CELF2: variants seen among roughly 807,000 people sequenced by gnomAD.
The protein encoded by CELF2 is CUGBP Elav-like family member 2.
CELF2 carries 8 observed loss-of-function variants against 62.6 expected under a neutral mutation model. The observed-to-expected ratio is 0.13, with a 90% CI of 0.07 to 0.23. CELF2 has a LOEUF of 0.23. Ranked by LOEUF, CELF2 falls within the 10% of genes least tolerant of loss-of-function variation. CELF2 has a pLI of 1.00. For missense variants in CELF2, 333 were observed against 671.0 expected (o/e 0.50, Z 5.56); for synonymous variants, 258 against 250.0 (o/e 1.03, Z -0.30).
chr10:11,071,091 T>C lies in CELF2; in HGVS notation c.74+52928T>C, dbSNP rs530890977. On this transcript the variant is annotated intron_variant, in intron 1 of 12. Coordinates refer to ENST00000633077, the MANE Select transcript of CELF2 (RefSeq NM_001326342.2). ...ACAGCAGTGATCCTATTTATTTTAA[T>C]CTTGTTTATGTTTTATTTATCGAGG... Among the ~76,000 whole-genome samples, 6 of 152,330 alleles carry C rather than the reference T, an allele frequency of 3.9e-5. No homozygotes were observed. In the South Asian group the frequency reaches 1.2e-3, roughly 32 times the overall value.
chr10:10,897,855 A>C (rs1564787423), intron 1 of CELF2, among the ~76,000 whole-genome samples: 1 of 152,214 alleles, frequency 6.6e-6, no homozygotes. Context: ...AGGCTGATAG[A>C]ACTGCTCAAC....
At chr10:10,792,477 G>A in the CELF2 span, 11 of 398,202 alleles carry the variant, frequency 2.8e-5, no homozygotes, top group East Asian at 2.8e-4. Flanking sequence ...AACTGTATTC[G>A]GCTTTCCTTG....
Position 11,315,242 on chromosome 10 carries a change from C to T in CELF2, c.1096+984C>T, listed in dbSNP as rs894218540. ...AGAGTAGCCAAGCCCAGCAGATCCA[C>T]GACAGCTAACAGAGCTGCTGATACG... is the stretch of plus-strand genomic sequence containing the variant. On this transcript the variant is annotated intron_variant, in intron 10 of 12. Coordinates refer to ENST00000633077, the MANE Select transcript of CELF2 (RefSeq NM_001326342.2). The surrounding 1 kb of genome is among the most constrained non-coding windows in gnomAD (Gnocchi z 5.8). Among the ~76,000 whole-genome samples, 2 of 152,140 alleles carry T rather than the reference C, an allele frequency of 1.3e-5. No homozygotes were observed. The highest frequency in any genetic ancestry group is 2.4e-5 in the African/African-American group (1 of 41,418).
intron 2 of CELF2, chr10:10,946,797 C>T (rs187090540): frequency 6.6e-6 from 1 of 152,304 alleles, no homozygotes; most frequent in Non-Finnish European, 1.5e-5. Flanking sequence ...TAAGTTCATA[C>T]AACTAGGACC....
rs1343410462 is a variant in CELF2, at chr10:11,333,448, C to T, written c.*4395C>T. The T allele has an allele frequency of 6.6e-6, 1 of 152,306 alleles. No homozygotes were observed. Among genetic ancestry groups the T allele is most frequent in the Non-Finnish European group, 1.5e-5 (1 of 68,008 alleles). 9.4% of individuals were successfully genotyped at this position (152,306 alleles called of 1,614,324 possible). A position where few individuals can be genotyped will look rare whatever the true frequency, so the allele number is the denominator to read the frequency against. On this transcript the variant is annotated 3_prime_UTR_variant, in exon 13 of 13. Coordinates refer to ENST00000633077, the MANE Select transcript of CELF2 (RefSeq NM_001326342.2). Reference sequence around the variant, plus strand: ...ACAATGGCAGTCCTCAAAGGCGTAACGAGTTCATCTTTCTTTCACCATAGG... The same window carrying T: ...ACAATGGCAGTCCTCAAAGGCGTAATGAGTTCATCTTTCTTTCACCATAGG...
At chr10:11,034,090 G>A (rs554035059) in intron 1 of CELF2, among the ~76,000 whole-genome samples, 5 of 152,306 alleles carry the variant, frequency 3.3e-5, no homozygotes, top group African/African-American at 4.8e-5. Flanking sequence ...ATTGTATGAA[G>A]TATAACAATA....
intron 2 of CELF2, among the ~76,000 whole-genome samples, chr10:10,923,284 G>A (rs2065093096): frequency 6.6e-6 from 1 of 152,188 alleles, no homozygotes. Context: ...TATGTGGCTG[G>A]GAAGGAAGAC....
chr10:10,755,774 GA>G, the CELF2 span, among the ~76,000 whole-genome samples: 6 of 152,186 alleles, frequency 3.9e-5, no homozygotes, highest in Non-Finnish European at 8.8e-5. Flanking sequence ...AGATTCACAA[GA>G]CACCTGAGCT....
chr10:10,565,432 C>T, the CELF2 span, among the ~76,000 whole-genome samples: 1 of 152,206 alleles, frequency 6.6e-6, no homozygotes, highest in African/African-American at 2.4e-5. Flanking sequence ...AATAAAAATG[C>T]TTTCAAATGA....
chr10:11,210,078 A>G (rs1370268892), intron 2 of CELF2, among the ~76,000 whole-genome samples: 1 of 152,260 alleles, frequency 6.6e-6, no homozygotes, highest in Non-Finnish European at 1.5e-5. Context: ...TCAGCCCCTT[A>G]GAATTCAAAG....
the CELF2 span, among the ~76,000 whole-genome samples, chr10:10,594,888 G>C: frequency 0.13 from 19,759 of 150,748 alleles, 1,558 homozygotes; most frequent in Non-Finnish European, 0.19. Context: ...TCAACCCTTA[G>C]TTCTCAGGAC....
the CELF2 span, among the ~76,000 whole-genome samples, chr10:10,605,820 G>A: frequency 7.2e-5 from 11 of 152,178 alleles, no homozygotes; most frequent in Admixed American, 3.3e-4. Flanking sequence ...GGGAGGCTTC[G>A]TTTAATCAGT....
At chr10:11,303,735 A>G (rs1050670069) in intron 9 of CELF2, among the ~76,000 whole-genome samples, 5 of 152,366 alleles carry the variant, frequency 3.3e-5, no homozygotes, top group African/African-American at 4.8e-5. Context: ...TACTGCTTCC[A>G]TAAGTAAATC....
intron 4 of CELF2, among the ~76,000 whole-genome samples, chr10:11,256,137 G>A (rs528620145): frequency 5.9e-5 from 9 of 152,222 alleles, no homozygotes; most frequent in Non-Finnish European, 1.3e-4. Context: ...CTTCAGGGCC[G>A]TGCTGGCTCA....
intron 2 of CELF2, among the ~76,000 whole-genome samples, chr10:11,195,110 T>C (rs2057099271): frequency 6.6e-6 from 1 of 152,240 alleles, no homozygotes; most frequent in Non-Finnish European, 1.5e-5. Context: ...ATGATACTCA[T>C]CGTCAGCATT....
rs1285443062 is a variant in CELF2 at position 10,972,328 on chromosome 10, T to G, written c.89+52329T>G. The stretch of plus-strand genomic sequence containing the variant: ...ACATATCATCATCCCCTGTAAAAAT[T>G]CACAATAGAAATTAGCAAGCTGTTT... On this transcript the variant is annotated intron_variant, in intron 2 of 13. Transcript: ENST00000636488. This position sits in a 1 kb window ranked among gnomAD's most constrained non-coding sequence, Gnocchi z 4.4. Among the ~76,000 whole-genome samples, 2 of 152,206 alleles carry G rather than the reference T, an allele frequency of 1.3e-5. No individual in the cohort carries two copies. The highest frequency in any genetic ancestry group is 2.9e-5 in the Non-Finnish European group (2 of 68,028).
At chr10:10,620,381 T>G in the CELF2 span, among the ~76,000 whole-genome samples, 8 of 143,016 alleles carry the variant, frequency 5.6e-5, no homozygotes, top group African/African-American at 2.1e-4. Flanking sequence ...AGGCGGAGGT[T>G]GCAGTGAGCC....
chr10:10,599,032 G>A, the CELF2 span, among the ~76,000 whole-genome samples: 3 of 152,036 alleles, frequency 2.0e-5, no homozygotes, highest in South Asian at 6.2e-4. Context: ...GATTACAGAC[G>A]TGAGCCATCA....
At chr10:11,186,677 T>C (rs1195810023) in intron 2 of CELF2, among the ~76,000 whole-genome samples, 3 of 152,188 alleles carry the variant, frequency 2.0e-5, no homozygotes, top group African/African-American at 7.2e-5. Context: ...ACCTGAAATT[T>C]TTTTCAGTAC....
Sources: allele counts gnomAD v4.1 joint callset (sites outside exome capture counted in the v4.1 genomes callset), GRCh38; gene constraint gnomAD v4.1.1; non-coding constraint Gnocchi (gnomAD v3.1); transcripts MANE v1.5; gene names NCBI Gene and HGNC (gene_info 2026-07-23, HGNC 2026-07-21).